Variants in LCP1 observed in about 807,000 individuals in gnomAD.
LCP1 encodes plastin-2.
LCP1 carries 23 observed loss-of-function variants against 72.0 expected under a neutral mutation model. The observed-to-expected ratio is 0.32, with a 90% CI of 0.23 to 0.45. The LOEUF (loss-of-function observed/expected upper bound fraction) is 0.45, where lower values mean the gene tolerates loss of function less well. Among genes scored for constraint, LCP1 ranks in the 20% least tolerant of loss-of-function variants. The pLI, the probability that LCP1 is intolerant of heterozygous loss-of-function variation, is 1.00. For missense variants in LCP1, 571 were observed against 748.3 expected (o/e 0.76, Z 2.76); for synonymous variants, 245 against 275.4 (o/e 0.89, Z 1.09).
rs551455345 is a variant in LCP1 at position 46,126,121 on chromosome 13, G to A, written c.*1470C>T. On this transcript the variant is annotated 3_prime_UTR_variant, in exon 16 of 16. Transcript: ENST00000323076. ...GGTTATGGGCTGGGAGGAGCCACAT[G>A]TTGGCTTTCTGAGTCCACTGCCAAG... 13 of 217,506 alleles carry A rather than the reference G, an allele frequency of 6.0e-5. No individual in the cohort carries two copies. The highest frequency in any genetic ancestry group is 2.5e-4 in the African/African-American group (11 of 44,540). The allele number at this position is 217,506 out of a possible 1,614,324, so 13.5% of individuals were successfully genotyped here. A position where few individuals can be genotyped will look rare whatever the true frequency, so the allele number is the denominator to read the frequency against.
At chr13:46,180,834 GA>G (rs1289896510) in intron 1 of LCP1, among the ~76,000 whole-genome samples, 2 of 152,030 alleles carry the variant, frequency 1.3e-5, no homozygotes, top group Non-Finnish European at 2.9e-5. Flanking sequence ...CTTAAAATAA[GA>G]CACAACATAT....
intron 1 of LCP1, among the ~76,000 whole-genome samples, chr13:46,176,598 G>A (rs1257171584): frequency 6.6e-6 from 1 of 152,110 alleles, no homozygotes; most frequent in Non-Finnish European, 1.5e-5. Context: ...AAATTTTAGT[G>A]ACTACTACCA....
intron 13 of LCP1, among the ~76,000 whole-genome samples, chr13:46,141,332 G>C (rs1312958167): frequency 6.7e-6 from 1 of 148,150 alleles, no homozygotes; most frequent in East Asian, 2.0e-4. Flanking sequence ...CTTGGACCCA[G>C]GAGGTGGAGA....
At chr13:46,138,655 G>T (rs2045679449) in intron 13 of LCP1, among the ~76,000 whole-genome samples, 1 of 151,966 alleles carries the variant, frequency 6.6e-6, no homozygotes, top group African/African-American at 2.4e-5. Flanking sequence ...TTGTTTGTTT[G>T]TTTTTTTCTG....
chr13:46,142,648 T>C (rs1324011793), intron 12 of LCP1: 3 of 580,910 alleles, frequency 5.2e-6, no homozygotes, highest in Admixed American at 5.3e-5. Context: ...TGTGGAAAAC[T>C]GAAATGAATT....
At position 46,145,774 on chromosome 13, in the gene LCP1, T is replaced by C. The variant is rs374939826; in HGVS notation, c.1174+1134A>G. 7.8e-5 allele frequency among the ~76,000 whole-genome samples: 9 copies of C among 115,456 alleles called. 1 individual carries two copies. The East Asian group carries it at 1.4e-3, about 18-fold the overall frequency. The allele number at this position is 115,456 out of a possible 152,430, so 75.7% of individuals were successfully genotyped here. A position where few individuals can be genotyped will look rare whatever the true frequency, so the allele number is the denominator to read the frequency against. ...AATACAAAAAATTAGCCGGGCGTAG[T>C]GGCGGGCGCCTGTAGTCCCAGCTAC... On this transcript the variant is annotated intron_variant, in intron 10 of 15. Coordinates refer to ENST00000323076, the MANE Select transcript of LCP1 (RefSeq NM_002298.5).
At chr13:46,170,911 C>T (rs1046399114) in intron 1 of LCP1, among the ~76,000 whole-genome samples, 3 of 152,092 alleles carry the variant, frequency 2.0e-5, no homozygotes, top group Non-Finnish European at 2.9e-5. Context: ...GAGCCAAAGG[C>T]GGCCCCCTAG....
intron 13 of LCP1, among the ~76,000 whole-genome samples, chr13:46,137,736 T>C (rs2045673449): frequency 6.6e-6 from 1 of 152,224 alleles, no homozygotes; most frequent in Non-Finnish European, 1.5e-5. Flanking sequence ...CCAGACAAGA[T>C]CTCAGTATTA....
intron 8 of LCP1, among the ~76,000 whole-genome samples, chr13:46,149,054 T>A (rs2045747621): frequency 6.6e-6 from 1 of 152,178 alleles, no homozygotes; most frequent in Non-Finnish European, 1.5e-5. Flanking sequence ...ATTCTCAAGT[T>A]TTCTTAGATT....
chr13:46,167,881 A>G (rs2045885248), intron 1 of LCP1, among the ~76,000 whole-genome samples: 1 of 152,220 alleles, frequency 6.6e-6, no homozygotes, highest in Admixed American at 6.5e-5. Context: ...CAGCTAATTT[A>G]CTGTGAAATA....
In LCP1 at chr13:46,148,369, C is replaced by A; in HGVS notation, c.961G>T (p.Asp321Tyr). 6.2e-7 allele frequency: 1 copy of A among 1,613,024 alleles called. No homozygotes were observed. Among genetic ancestry groups the A allele is most frequent in the South Asian group, 1.1e-5 (1 of 91,054 alleles). ...GGCCTTACCCGCAGTCCTGACATGT[C>A]AATAACAACAGCAGGAACACCTTCT... ...DEEGVPAVVI[D>Y]MSGLREKDDI... Residue 321 changes from aspartate (D) to tyrosine (Y), a missense_variant, in exon 9 of 16, where the codon GAC becomes TAC. Coordinates refer to ENST00000323076, the MANE Select transcript of LCP1 (RefSeq NM_002298.5).
At chr13:46,142,739 A>T (rs1447769041) in intron 12 of LCP1, 7 of 490,366 alleles carry the variant, frequency 1.4e-5, no homozygotes, top group Non-Finnish European at 2.8e-5. Context: ...TAATATTTCT[A>T]AAAAAGGTGA....
At chr13:46,162,452 T>G (rs1218845280) in intron 1 of LCP1, among the ~76,000 whole-genome samples, 1 of 151,852 alleles carries the variant, frequency 6.6e-6, no homozygotes, top group Non-Finnish European at 1.5e-5. Context: ...GGCGCGCGCC[T>G]CCAGGCCTGA....
rs183474423 is a variant in LCP1, at chr13:46,171,758, A to C, written c.-25+10353T>G. ...TTAAAGATATTATTTGCATGGAGCT[A>C]CAGGAGCACAGAGAATGAAGTGCAG... On this transcript the variant is annotated intron_variant, in intron 1 of 15. Transcript: ENST00000323076. Among the ~76,000 whole-genome samples the C allele has an allele frequency of 3.3e-5, 5 of 152,394 alleles. No homozygotes were observed. In the East Asian group the frequency reaches 9.6e-4, roughly 29 times the overall value.
At chr13:46,157,741 CTTT>C (rs548259648) in intron 4 of LCP1, among the ~76,000 whole-genome samples, 15 of 99,788 alleles carry the variant, frequency 1.5e-4, no homozygotes, top group African/African-American at 4.9e-4. Flanking sequence ...CATGACTTAT[CTTT>C]TTTTTTTTTT....
At position 46,150,880 on chromosome 13, in the gene LCP1, G is replaced by T. The variant is rs2045759273; in HGVS notation, c.882+56C>A. On this transcript the variant is annotated intron_variant, in intron 8 of 15. Coordinates refer to ENST00000323076, the MANE Select transcript of LCP1 (RefSeq NM_002298.5). ...AAATCTTTATCTTTTCTTTATTATT[G>T]CCCAAATTCCCCTTCACTCCTGCAG... The T allele has an allele frequency of 1.9e-6, 3 of 1,553,608 alleles. No individual in the cohort carries two copies. In the African/African-American group the frequency reaches 4.1e-5, roughly 21 times the overall value.
At chr13:46,134,769 G>C (rs112076918) in intron 13 of LCP1, among the ~76,000 whole-genome samples, 9 of 152,118 alleles carry the variant, frequency 5.9e-5, no homozygotes, top group Non-Finnish European at 1.0e-4. Flanking sequence ...TTTGTTTGTT[G>C]TTTTGGAGGG....
intron 13 of LCP1, among the ~76,000 whole-genome samples, chr13:46,136,769 T>A (rs907828777): frequency 6.6e-6 from 1 of 152,172 alleles, no homozygotes. Flanking sequence ...AAAGGTAGGT[T>A]AGTGCTTGCT....
chr13:46,162,261 C>T (rs1438235693), intron 1 of LCP1, among the ~76,000 whole-genome samples: 1 of 120,716 alleles, frequency 8.3e-6, no homozygotes, highest in African/African-American at 3.3e-5. Context: ...CTCCCCCTCC[C>T]CCTCCCTCCC....
Sources: gnomAD v4.1 joint callset for allele counts (sites outside exome capture counted in the v4.1 genomes callset) on GRCh38, gnomAD v4.1.1 for gene constraint, MANE v1.5 for transcripts, NCBI Gene and HGNC (gene_info 2026-07-23, HGNC 2026-07-21) for gene names.